The following KCNK10 variants were observed in gnomAD, a reference collection of about 807,000 sequenced individuals.
KCNK10 encodes potassium channel subfamily K member 10.
In KCNK10, 25 loss-of-function variants were observed where a neutral mutation model predicts 47.7. That is an observed-to-expected ratio of 0.52 (90% CI 0.38 to 0.73). The LOEUF is 0.73. KCNK10 is among the 30% of genes least tolerant of loss of function. The pLI, the probability that KCNK10 is intolerant of heterozygous loss-of-function variation, is 0.00. For synonymous variants in KCNK10, 303 were observed against 285.6 expected (o/e 1.06, Z -0.61); for missense variants, 563 against 714.5 (o/e 0.79, Z 2.42).
At chr14:88,303,905 G>T (rs1031930466) in intron 1 of KCNK10, among the ~76,000 whole-genome samples, 4 of 152,060 alleles carry the variant, frequency 2.6e-5, no homozygotes, top group Non-Finnish European at 5.9e-5. Flanking sequence ...CCTCCTTCAC[G>T]CTTTCACAGA....
rs138325572 is a variant in KCNK10, at chr14:88,180,627, G to C, written c.*4908C>G. 81 of 396,784 alleles carry C rather than the reference G, an allele frequency of 2.0e-4. No individual in the cohort carries two copies. Among genetic ancestry groups the C allele is most frequent in the African/African-American group, 1.6e-3 (77 of 48,682 alleles). The allele number at this position is 396,784 out of a possible 1,614,324, so 24.6% of individuals were successfully genotyped here. On this transcript the variant is annotated 3_prime_UTR_variant, in exon 7 of 7. Transcript: ENST00000319231. ...ACCTAAGAATCAAGAACACAAAGTA[G>C]ATACCAAATCTCAGGCACCTGTGAA...
At position 88,240,784 on chromosome 14, in the gene KCNK10, T is replaced by C. The variant is rs757442506; in HGVS notation, c.439A>G (p.Ile147Val). ...CTGCTGTTGTTGGAAGAGTTTCCTA[T>C]TGGACTGACTCCCGCATTGTCAGCA... Reference protein sequence around the residue: ...LDADNAGVSPIGNSSNNSSHW... With the variant: ...LDADNAGVSPVGNSSNNSSHW... Residue 147 changes from isoleucine (I) to valine (V), a missense_variant, in exon 3 of 7, where the codon ATA becomes GTA. Ile to Val is a conservative substitution (Grantham distance 29). Transcript: ENST00000319231. The C allele has an allele frequency of 1.9e-5, 30 of 1,613,426 alleles. No homozygotes were observed. The highest frequency in any genetic ancestry group is 8.3e-5 in the Admixed American group (5 of 59,992).
intron 1 of KCNK10, among the ~76,000 whole-genome samples, chr14:88,267,711 T>C (rs955544052): frequency 6.6e-6 from 1 of 152,204 alleles, no homozygotes; most frequent in Admixed American, 6.5e-5. Flanking sequence ...CATTAATCCA[T>C]TTATTCTCCT....
intron 1 of KCNK10, among the ~76,000 whole-genome samples, chr14:88,298,736 T>C (rs1345685093): frequency 6.6e-6 from 1 of 152,262 alleles, no homozygotes; most frequent in East Asian, 1.9e-4. Flanking sequence ...ACTTAAATTA[T>C]GTACGCCCAG....
chr14:88,220,919 T>C (rs373512085), intron 4 of KCNK10, among the ~76,000 whole-genome samples: 1 of 151,884 alleles, frequency 6.6e-6, no homozygotes, highest in African/African-American at 2.4e-5. Flanking sequence ...AATGAAAAGA[T>C]AACCCACAGA....
intron 4 of KCNK10, among the ~76,000 whole-genome samples, chr14:88,219,148 C>T (rs1197228607): frequency 2.0e-5 from 3 of 152,056 alleles, no homozygotes; most frequent in Non-Finnish European, 4.4e-5. Flanking sequence ...GTATTCCCCC[C>T]GAAGAGTGAT....
At chr14:88,240,437 C>A (rs1010869914) in intron 3 of KCNK10, among the ~76,000 whole-genome samples, 6 of 152,156 alleles carry the variant, frequency 3.9e-5, no homozygotes, top group Non-Finnish European at 8.8e-5. Flanking sequence ...AAATGAGTAA[C>A]CCGAGTTCAA....
At chr14:88,268,962 GC>G (rs1566709558) in intron 1 of KCNK10, among the ~76,000 whole-genome samples, 3 of 152,124 alleles carry the variant, frequency 2.0e-5, no homozygotes. Context: ...ACATGGTGAA[GC>G]CCCAGCTCTA....
chr14:88,310,277 T>C (rs1488636796), intron 1 of KCNK10, among the ~76,000 whole-genome samples: 1 of 69,020 alleles, frequency 1.4e-5, no homozygotes, highest in Non-Finnish European at 2.8e-5. Flanking sequence ...TCATAATTAC[T>C]TGATGATGCA....
intron 6 of KCNK10, among the ~76,000 whole-genome samples, chr14:88,187,104 C>T (rs762320702): frequency 6.6e-6 from 1 of 152,182 alleles, no homozygotes; most frequent in Non-Finnish European, 1.5e-5. Flanking sequence ...CTGGAAATTG[C>T]ATTGCTTACT....
rs1026719833 is a variant in KCNK10 at position 88,240,696 on chromosome 14, C to G, written c.520+7G>C. ...AGAGGAAGAGATATTAGCAAACAAA[C>G]GGGTACCTATGGTCGTAATGACAGT... On this transcript the variant is annotated splice_region_variant and intron_variant, in intron 3 of 6. Transcript: ENST00000319231. 1.3e-6 allele frequency: 2 copies of G among 1,571,392 alleles called. No individual in the cohort carries two copies. Among genetic ancestry groups the G allele is most frequent in the Non-Finnish European group, 1.8e-6 (2 of 1,141,124 alleles).
At chr14:88,203,057 A>G (rs35884650) in intron 4 of KCNK10, among the ~76,000 whole-genome samples, 37,236 of 152,126 alleles carry the variant, frequency 0.24, 5,182 homozygotes, top group Non-Finnish European at 0.31. Context: ...AGGAGCAGAC[A>G]TATCTTGGAT....
At chr14:88,298,660 G>T (rs1888035812) in intron 1 of KCNK10, among the ~76,000 whole-genome samples, 1 of 152,162 alleles carries the variant, frequency 6.6e-6, no homozygotes, top group African/African-American at 2.4e-5. Context: ...CAAATTCATT[G>T]TTTCTCACCC....
chr14:88,276,204 G>T (rs1281499044), intron 1 of KCNK10, among the ~76,000 whole-genome samples: 1 of 151,848 alleles, frequency 6.6e-6, no homozygotes, highest in Non-Finnish European at 1.5e-5. Flanking sequence ...GGCTTTGGGG[G>T]GTGATTAGAT....
At chr14:88,270,800 T>C (rs762567599) in intron 1 of KCNK10, 10 of 780,952 alleles carry the variant, frequency 1.3e-5, no homozygotes, top group Middle Eastern at 2.2e-4. Context: ...ATACCAGCCA[T>C]GTACATGGTG....
At chr14:88,193,019 G>A (rs1884800021) in intron 4 of KCNK10, among the ~76,000 whole-genome samples, 1 of 152,212 alleles carries the variant, frequency 6.6e-6, no homozygotes, top group African/African-American at 2.4e-5. Flanking sequence ...TGCTGAGGCT[G>A]TACATTTATA....
intron 1 of KCNK10, among the ~76,000 whole-genome samples, chr14:88,294,727 G>A (rs1882317706): frequency 6.6e-6 from 1 of 152,200 alleles, no homozygotes; most frequent in Non-Finnish European, 1.5e-5. Flanking sequence ...CAGCAGCAAA[G>A]TATTGCCTTA....
intron 1 of KCNK10, among the ~76,000 whole-genome samples, chr14:88,318,875 G>GA (rs1888482220): frequency 6.6e-6 from 1 of 152,114 alleles, no homozygotes; most frequent in Non-Finnish European, 1.5e-5. Context: ...CAAATCCAAA[G>GA]TTTTTTTACA....
intron 1 of KCNK10, among the ~76,000 whole-genome samples, chr14:88,300,638 T>C (rs767548733): frequency 1.7e-4 from 26 of 152,220 alleles, no homozygotes; most frequent in Non-Finnish European, 7.3e-5. Context: ...ACTGCACTCA[T>C]CACAAAGACT....
Sources: gnomAD v4.1 joint callset for allele counts (sites outside exome capture counted in the v4.1 genomes callset) on GRCh38, gnomAD v4.1.1 for gene constraint, MANE v1.5 for transcripts, NCBI Gene and HGNC (gene_info 2026-07-23, HGNC 2026-07-21) for gene names.